Variants in ASAP1 observed in about 807,000 individuals in gnomAD.
The protein encoded by ASAP1 is ArfGAP with SH3 domain, ankyrin repeat and PH domain 1.
ASAP1 carries 43 observed loss-of-function variants against 145.2 expected under a neutral mutation model. That is an observed-to-expected ratio of 0.30 (90% CI 0.23 to 0.38). The LOEUF is 0.38. ASAP1 is among the 10% of genes least tolerant of loss of function. The probability of loss-of-function intolerance (pLI) is 1.00; values close to 1 mark genes in which losing one functional copy is unlikely to be tolerated. For synonymous variants in ASAP1, 546 were observed against 515.5 expected, an observed-to-expected ratio of 1.06 and a Z score of -0.80; for missense variants, 1,018 against 1,355.3, an observed-to-expected ratio of 0.75 and a Z score of 3.91.
chr8:130,367,139 C>A (rs1166078275), intron 2 of ASAP1, among the ~76,000 whole-genome samples: 1 of 151,990 alleles, frequency 6.6e-6, no homozygotes, highest in Non-Finnish European at 1.5e-5. Context: ...ATCTGCCTGT[C>A]TCGGCCTCCC....
chr8:130,309,230 G>A (rs1586802907), intron 3 of ASAP1, among the ~76,000 whole-genome samples: 1 of 152,240 alleles, frequency 6.6e-6, no homozygotes, highest in Non-Finnish European at 1.5e-5. Context: ...TTCAGTCTTG[G>A]GAGTCAAATG....
chr8:130,208,042 T>C (rs1216059196), intron 5 of ASAP1, among the ~76,000 whole-genome samples: 1 of 152,212 alleles, frequency 6.6e-6, no homozygotes, highest in Non-Finnish European at 1.5e-5. Context: ...TCCCCTACTT[T>C]TCTCTCCTTG....
chr8:130,427,554 G>A (rs1250294617), intron 1 of ASAP1, among the ~76,000 whole-genome samples: 1 of 152,090 alleles, frequency 6.6e-6, no homozygotes, highest in Non-Finnish European at 1.5e-5. Flanking sequence ...ACTCTGCAGG[G>A]GGTATTGGCA....
chr8:130,240,094 G>A (rs907510063), intron 3 of ASAP1, among the ~76,000 whole-genome samples: 1 of 152,086 alleles, frequency 6.6e-6, no homozygotes, highest in Non-Finnish European at 1.5e-5. Flanking sequence ...ATGAGCAAAT[G>A]AATGTGAAAG....
chr8:130,354,875 ACTC>A (rs1826213079), intron 3 of ASAP1, among the ~76,000 whole-genome samples: 1 of 151,650 alleles, frequency 6.6e-6, no homozygotes, highest in Non-Finnish European at 1.5e-5. Context: ...CCAGAAGTAA[ACTC>A]CTCTTTGCCT....
At chr8:130,251,080 C>T (rs189595494) in intron 3 of ASAP1, among the ~76,000 whole-genome samples, 28 of 152,158 alleles carry the variant, frequency 1.8e-4, no homozygotes, top group African/African-American at 6.3e-4. Flanking sequence ...TTTTTGCACA[C>T]CTGCAGAACA....
At chr8:130,256,739 T>TATATATATATATATATATATATA (rs1565142439) in intron 3 of ASAP1, among the ~76,000 whole-genome samples, 14 of 95,888 alleles carry the variant, frequency 1.5e-4, no homozygotes, top group Non-Finnish European at 2.2e-4. Context: ...ATACACATTC[T>TATATATATATATATATATATATA]TATATATATA....
intron 3 of ASAP1, among the ~76,000 whole-genome samples, chr8:130,248,720 G>A (rs1413478274): frequency 6.6e-6 from 1 of 152,118 alleles, no homozygotes; most frequent in East Asian, 1.9e-4. Context: ...AAGTATTTCT[G>A]TTGTGGTTCA....
chr8:130,271,172 G>A (rs991933371), intron 3 of ASAP1, among the ~76,000 whole-genome samples: 1 of 152,144 alleles, frequency 6.6e-6, no homozygotes, highest in African/African-American at 2.4e-5. Flanking sequence ...AATCAGCAGA[G>A]GGGCTGCTCG....
At chr8:130,072,830 C>CGCGCGCGCACGCGT (rs1448184178) in intron 27 of ASAP1, among the ~76,000 whole-genome samples, 1 of 31,922 alleles carries the variant, frequency 3.1e-5, no homozygotes, top group Non-Finnish European at 5.3e-5. Context: ...TGTGTGCGCG[C>CGCGCGCGCACGCGT]GGGGGGGGGC....
intron 5 of ASAP1, among the ~76,000 whole-genome samples, chr8:130,198,542 G>A (rs558653528): frequency 6.6e-6 from 1 of 152,292 alleles, no homozygotes; most frequent in South Asian, 2.1e-4. Context: ...CCATTATACT[G>A]TGTTCTAATC....
At chr8:130,279,605 T>TA in intron 3 of ASAP1, among the ~76,000 whole-genome samples, 1 of 152,338 alleles carries the variant, frequency 6.6e-6, no homozygotes, top group East Asian at 1.9e-4. Context: ...AACAAGAAAC[T>TA]AACCTCTTTC....
chr8:130,351,758 T>A (rs1193943892), intron 3 of ASAP1, among the ~76,000 whole-genome samples: 2 of 152,138 alleles, frequency 1.3e-5, no homozygotes, highest in Admixed American at 6.5e-5. Context: ...TCATGAGGCA[T>A]CCGCCCCCAC....
rs563308801 is a variant in ASAP1, at chr8:130,305,302, T to C, written c.186+52715A>G. ...CTCTTTCTCATTGTTCTATCCATAG[T>C]GCTTAGACAATTCCTGCCACATTGT... On this transcript the variant is annotated intron_variant, in intron 3 of 29. Coordinates refer to ENST00000518721, the MANE Select transcript of ASAP1 (RefSeq NM_018482.4). 4.6e-5 allele frequency among the ~76,000 whole-genome samples: 7 copies of C among 152,360 alleles called. No homozygotes were observed. The East Asian group carries it at 1.3e-3, about 29-fold the overall frequency.
Position 130,136,938 on chromosome 8 carries a change from A to G in ASAP1, c.1168+13T>C. On this transcript the variant is annotated intron_variant, in intron 14 of 29. Transcript: ENST00000518721. ...GCCACAATAACCAACTCAGAGAGAG[A>G]AAAAGGACTCACGTGATATCAGGTC... is the stretch of plus-strand genomic sequence containing the variant. The G allele has an allele frequency of 6.2e-7, 1 of 1,610,098 alleles. No individual in the cohort carries two copies. Among genetic ancestry groups the G allele is most frequent in the Non-Finnish European group, 8.5e-7 (1 of 1,176,334 alleles).
intron 3 of ASAP1, among the ~76,000 whole-genome samples, chr8:130,339,756 G>A (rs1368278944): frequency 6.6e-6 from 1 of 152,174 alleles, no homozygotes; most frequent in African/African-American, 2.4e-5. Flanking sequence ...GTAAACTCAG[G>A]ACTGATGAGA....
chr8:130,145,341 G>A (rs1051704254), intron 13 of ASAP1, among the ~76,000 whole-genome samples: 1 of 151,702 alleles, frequency 6.6e-6, no homozygotes, highest in Non-Finnish European at 1.5e-5. Context: ...TTTTTTAGAC[G>A]GAGTCTCGCT....
chr8:130,374,160 A>G (rs1455223508), intron 2 of ASAP1, among the ~76,000 whole-genome samples: 1 of 152,080 alleles, frequency 6.6e-6, no homozygotes, highest in Non-Finnish European at 1.5e-5. Context: ...AAAAGAATCA[A>G]CTTAGACATA....
intron 9 of ASAP1, among the ~76,000 whole-genome samples, chr8:130,177,555 C>T (rs918191156): frequency 2.6e-5 from 4 of 152,028 alleles, no homozygotes; most frequent in Non-Finnish European, 4.4e-5. Flanking sequence ...TCATAACTGC[C>T]CAACCACACT....
Sources: gnomAD v4.1 joint callset for allele counts (sites outside exome capture counted in the v4.1 genomes callset) on GRCh38, gnomAD v4.1.1 for gene constraint, MANE v1.5 for transcripts, NCBI Gene and HGNC (gene_info 2026-07-23, HGNC 2026-07-21) for gene names.